SSBP2: variants seen among roughly 807,000 people sequenced by gnomAD.
SSBP2 encodes single stranded DNA binding protein 2, also known as single-stranded DNA-binding protein 2.
SSBP2 carries 17 observed loss-of-function variants against 61.8 expected under a neutral mutation model. The ratio of observed to expected loss-of-function variants is 0.28; its 90% CI spans 0.19 to 0.41. SSBP2 has a LOEUF of 0.41. SSBP2 is among the 10% of genes least tolerant of loss of function. The pLI, the probability that SSBP2 is intolerant of heterozygous loss-of-function variation, is 1.00. For missense variants in SSBP2, 310 were observed against 458.7 expected (o/e 0.68, Z 2.96); for synonymous variants, 139 against 141.3 (o/e 0.98, Z 0.12).
chr5:81,520,365 T>C (rs1276017434), intron 4 of SSBP2, among the ~76,000 whole-genome samples: 4 of 152,184 alleles, frequency 2.6e-5, no homozygotes, highest in Admixed American at 1.3e-4. Context: ...TCTGCAAAGT[T>C]TGACATTGGT....
chr5:81,650,135 A>G (rs1486227289), intron 2 of SSBP2, 132 bp downstream of exon 2: 1 of 584,246 alleles, frequency 1.7e-6, no homozygotes. Context: ...TATAAAAACT[A>G]TACTATGTAT....
At chr5:81,480,216 A>G (rs17231292) in intron 6 of SSBP2, among the ~76,000 whole-genome samples, 12,596 of 152,298 alleles carry the variant, frequency 0.083, 738 homozygotes, top group Non-Finnish European at 0.12. Flanking sequence ...AGAATGCATC[A>G]TAACTTCAAT....
intron 4 of SSBP2, among the ~76,000 whole-genome samples, chr5:81,592,785 C>CT (rs1280267667): frequency 2.6e-5 from 4 of 152,228 alleles, no homozygotes; most frequent in African/African-American, 9.6e-5. Context: ...ATGGTCCTGT[C>CT]TGTTAGAAGA....
intron 6 of SSBP2, among the ~76,000 whole-genome samples, chr5:81,483,718 A>T (rs1766170199): frequency 2.0e-5 from 3 of 151,950 alleles, no homozygotes. Context: ...TAAGTGTAGG[A>T]AGATGTTTGT....
At chr5:81,682,117 C>T (rs1327905602) in intron 1 of SSBP2, among the ~76,000 whole-genome samples, 3 of 152,078 alleles carry the variant, frequency 2.0e-5, no homozygotes, top group Non-Finnish European at 4.4e-5. Context: ...TGTGGGCTGG[C>T]GAATTCTCCC....
chr5:81,531,393 A>G (rs534154143), intron 4 of SSBP2, among the ~76,000 whole-genome samples: 1 of 152,198 alleles, frequency 6.6e-6, no homozygotes, highest in South Asian at 2.1e-4. Flanking sequence ...ACACTGGCAG[A>G]ATATAAATAA....
At chr5:81,433,895 T>C (rs1039539211) in intron 15 of SSBP2, among the ~76,000 whole-genome samples, 2 of 152,246 alleles carry the variant, frequency 1.3e-5, no homozygotes, top group Admixed American at 6.5e-5. Context: ...CCAAGTGCAA[T>C]TGATAGTGTG....
At chr5:81,432,964 C>A (rs1469209222) in intron 15 of SSBP2, among the ~76,000 whole-genome samples, 1 of 141,022 alleles carries the variant, frequency 7.1e-6, no homozygotes. Flanking sequence ...CAGCCAGCCG[C>A]CCCGTCCGGG....
At chr5:81,455,305 T>C (rs1242931686) in intron 10 of SSBP2, among the ~76,000 whole-genome samples, 4 of 152,182 alleles carry the variant, frequency 2.6e-5, no homozygotes, top group Admixed American at 2.6e-4. Context: ...TTCAAAACTC[T>C]TACCTTCTCT....
At chr5:81,453,658 G>A (rs1763937400) in intron 10 of SSBP2, among the ~76,000 whole-genome samples, 1 of 151,838 alleles carries the variant, frequency 6.6e-6, no homozygotes, top group Admixed American at 6.6e-5. Context: ...GGGTTTCACT[G>A]TATTAGCCAG....
At chr5:81,447,822 G>A (rs1345536643) in intron 11 of SSBP2, 1 of 152,020 alleles carries the variant, frequency 6.6e-6, no homozygotes, top group African/African-American at 2.4e-5. Context: ...GTGGCTTTAA[G>A]AAAAAATAGG....
chr5:81,598,284 T>C (rs1379659931), intron 4 of SSBP2, among the ~76,000 whole-genome samples: 1 of 152,064 alleles, frequency 6.6e-6, no homozygotes, highest in African/African-American at 2.4e-5. Context: ...AAACTTCTTA[T>C]AAAATTTGCC....
chr5:81,681,727 A>C (rs1254244715), intron 1 of SSBP2, among the ~76,000 whole-genome samples: 1 of 152,136 alleles, frequency 6.6e-6, no homozygotes, highest in African/African-American at 2.4e-5. Context: ...ATCTGAGCAG[A>C]AATCAATGAA....
intron 6 of SSBP2, among the ~76,000 whole-genome samples, chr5:81,477,339 T>C (rs771975389): frequency 6.6e-6 from 1 of 152,174 alleles, no homozygotes; most frequent in Non-Finnish European, 1.5e-5. Context: ...TGTGTGTGTA[T>C]AGCATATACA....
At chr5:81,702,515 T>C (rs572339159) in intron 1 of SSBP2, among the ~76,000 whole-genome samples, 4 of 152,284 alleles carry the variant, frequency 2.6e-5, no homozygotes, top group East Asian at 3.9e-4. Flanking sequence ...AGCTCCAAAA[T>C]AGGCATCGGA....
chr5:81,474,285 C>T (rs979371841), intron 7 of SSBP2, among the ~76,000 whole-genome samples: 3 of 152,104 alleles, frequency 2.0e-5, no homozygotes, highest in Non-Finnish European at 4.4e-5. Flanking sequence ...TTTGGATCCT[C>T]ATGTATTCTT....
intron 4 of SSBP2, among the ~76,000 whole-genome samples, chr5:81,606,703 G>T (rs373354229): frequency 6.6e-6 from 1 of 152,110 alleles, no homozygotes. Context: ...CAGTGTTATT[G>T]CTACCTCTTG....
intron 2 of SSBP2, among the ~76,000 whole-genome samples, chr5:81,639,768 T>A (rs2153684082): frequency 6.6e-6 from 1 of 152,246 alleles, no homozygotes; most frequent in East Asian, 1.9e-4. Context: ...ATTACAGATT[T>A]CAAAAAAATT....
intron 8 of SSBP2, among the ~76,000 whole-genome samples, chr5:81,467,513 CAT>C (rs1232057878): frequency 6.6e-6 from 1 of 151,932 alleles, no homozygotes; most frequent in East Asian, 1.9e-4. Context: ...CACAAAATAA[CAT>C]GTCCAACACA....
Sources: gnomAD v4.1 joint callset for allele counts (sites outside exome capture counted in the v4.1 genomes callset) on GRCh38, gnomAD v4.1.1 for gene constraint, MANE v1.5 for transcripts, NCBI Gene and HGNC (gene_info 2026-07-23, HGNC 2026-07-21) for gene names.